COL25A1: variants seen among roughly 807,000 people sequenced by gnomAD.
COL25A1 encodes collagen alpha-1(XXV) chain.
COL25A1 carries 103 observed loss-of-function variants against 128.4 expected under a neutral mutation model. The observed-to-expected ratio is 0.80, with a 90% CI of 0.68 to 0.94. The LOEUF (loss-of-function observed/expected upper bound fraction) is 0.94. COL25A1 is among the 40% of genes least tolerant of loss of function. The pLI, the probability that COL25A1 is intolerant of heterozygous loss-of-function variation, is 0.00. For synonymous variants in COL25A1, 279 were observed against 277.2 expected (o/e 1.01, Z -0.06); for missense variants, 745 against 840.0 (o/e 0.89, Z 1.40).
chr4:108,884,067 T>C, intron 19 of COL25A1, 111 bp downstream of exon 19: 1 of 1,056,376 alleles, frequency 9.5e-7, no homozygotes, highest in Non-Finnish European at 1.4e-6. Context: ...TGGAGAGTAC[T>C]TAGAGAACAG....
chr4:109,010,156 C>T (rs963073955), intron 6 of COL25A1, among the ~76,000 whole-genome samples: 9 of 152,318 alleles, frequency 5.9e-5, no homozygotes, highest in Admixed American at 1.3e-4. Context: ...GTTAAATCTG[C>T]CATCTGGCCC....
At chr4:109,287,497 TA>T (rs1724006040) in intron 3 of COL25A1, among the ~76,000 whole-genome samples, 2 of 152,234 alleles carry the variant, frequency 1.3e-5, no homozygotes, top group African/African-American at 4.8e-5. Flanking sequence ...ATATCATTTT[TA>T]AATACTAATA....
chr4:109,300,181 C>CAAA (rs11404203), intron 3 of COL25A1, among the ~76,000 whole-genome samples: 3 of 125,976 alleles, frequency 2.4e-5, no homozygotes, highest in Non-Finnish European at 3.5e-5. Flanking sequence ...TAAACCAAAA[C>CAAA]AAAAAAAAAA....
At chr4:109,300,716 G>A in intron 2 of COL25A1, 64 bp from the exon 3 acceptor site, 2 of 1,130,982 alleles carry the variant, frequency 1.8e-6, no homozygotes, top group Non-Finnish European at 2.7e-6. Context: ...AGTCTTTAGG[G>A]ACTCTGGCCA....
intron 3 of COL25A1, among the ~76,000 whole-genome samples, chr4:109,104,784 T>C (rs922233890): frequency 6.6e-6 from 1 of 152,224 alleles, no homozygotes; most frequent in Admixed American, 6.5e-5. Flanking sequence ...CAACCAGTTG[T>C]AAGACGATGT....
intron 3 of COL25A1, among the ~76,000 whole-genome samples, chr4:109,245,860 A>G (rs909883138): frequency 1.3e-5 from 2 of 152,082 alleles, no homozygotes; most frequent in African/African-American, 4.8e-5. Context: ...AGTTCACACC[A>G]CATGATAGGG....
chr4:109,137,974 T>TAA (rs1553940917), intron 3 of COL25A1, among the ~76,000 whole-genome samples: 15 of 145,532 alleles, frequency 1.0e-4, no homozygotes, highest in Non-Finnish European at 1.5e-5. Context: ...AAATTTCATT[T>TAA]TATATATATA....
chr4:109,081,576 T>C (rs551573194), intron 3 of COL25A1, among the ~76,000 whole-genome samples: 5 of 152,324 alleles, frequency 3.3e-5, no homozygotes, highest in African/African-American at 1.2e-4. Flanking sequence ...TGTGCAACCA[T>C]CACCACAGTA....
At chr4:109,218,356 G>GTTTTTTTTTTTTTTTTTTT (rs796441649) in intron 3 of COL25A1, among the ~76,000 whole-genome samples, 44 of 100,470 alleles carry the variant, frequency 4.4e-4, no homozygotes, top group African/African-American at 1.6e-3. Context: ...GGTTTTTTGG[G>GTTTTTTTTTTTTTTTTTTT]GTTTTTTTTT....
chr4:108,922,066 T>C lies in COL25A1; in HGVS notation c.709-1462A>G, dbSNP rs192849406. On this transcript the variant is annotated intron_variant, in intron 11 of 37. Transcript: ENST00000399132. ...TTCATCTGGTATACTCTGGAATCCA[T>C]CCTTGTCTCTGTCCTCAGGGATCTT... is the stretch of plus-strand genomic sequence containing the variant. Among the ~76,000 whole-genome samples the C allele has an allele frequency of 1.3e-3, 193 of 152,270 alleles. 1 individual carries two copies. The highest frequency in any genetic ancestry group is 1.9e-3 in the Non-Finnish European group (132 of 68,004).
intron 3 of COL25A1, among the ~76,000 whole-genome samples, chr4:109,291,147 C>T (rs1000893985): frequency 6.6e-6 from 1 of 152,098 alleles, no homozygotes; most frequent in Admixed American, 6.6e-5. Context: ...AACAACTGTC[C>T]ACAGCTAGCT....
intron 3 of COL25A1, among the ~76,000 whole-genome samples, chr4:109,090,684 G>C (rs984555132): frequency 6.6e-6 from 1 of 151,506 alleles, no homozygotes; most frequent in African/African-American, 2.4e-5. Flanking sequence ...CTTCCTTCTT[G>C]GTCAGAATGC....
chr4:108,820,741 A>G (rs1389011065), intron 35 of COL25A1, among the ~76,000 whole-genome samples: 1 of 151,828 alleles, frequency 6.6e-6, no homozygotes, highest in Non-Finnish European at 1.5e-5. Flanking sequence ...AAATCTGTTC[A>G]GGAGAGGAAA....
chr4:109,211,305 TATATATATATATATATATATATATGA>T (rs1387047846), intron 3 of COL25A1, among the ~76,000 whole-genome samples: 1 of 51,402 alleles, frequency 1.9e-5, no homozygotes, highest in Non-Finnish European at 3.1e-5. Flanking sequence ...TATATATATA[TATATATATATATATATATATATATGA>T]AACAATTAAA....
chr4:109,214,083 T>C (rs1002528718), intron 3 of COL25A1, among the ~76,000 whole-genome samples: 1 of 151,994 alleles, frequency 6.6e-6, no homozygotes, highest in Non-Finnish European at 1.5e-5. Context: ...TGACATCTAT[T>C]GGTAAGATTA....
At chr4:109,026,657 T>A (rs1758322204) in intron 5 of COL25A1, among the ~76,000 whole-genome samples, 1 of 152,178 alleles carries the variant, frequency 6.6e-6, no homozygotes, top group South Asian at 2.1e-4. Flanking sequence ...TTTTAGTAAC[T>A]GTGCATGAAG....
intron 5 of COL25A1, among the ~76,000 whole-genome samples, chr4:109,044,726 T>C (rs977308304): frequency 2.0e-5 from 3 of 152,172 alleles, no homozygotes; most frequent in South Asian, 2.1e-4. Flanking sequence ...TTGTGCTTTA[T>C]ATTTAGAGTG....
chr4:109,271,480 G>A (rs539150770), intron 3 of COL25A1, among the ~76,000 whole-genome samples: 3 of 152,320 alleles, frequency 2.0e-5, no homozygotes, highest in East Asian at 1.9e-4. Flanking sequence ...CTTAGGTGAT[G>A]AAGCACTCCC....
chr4:108,974,242 G>C lies in COL25A1; in HGVS notation c.492+125C>G, dbSNP rs1258843216. ...GTTTTTTTCACTTACAAGTGGTATG[G>C]TATTTTTGCCAGCCATTACTGAACC... On this transcript the variant is annotated intron_variant, in intron 8 of 37. Coordinates refer to ENST00000399132, the MANE Select transcript of COL25A1 (RefSeq NM_198721.4). The C allele has an allele frequency of 5.5e-6, 5 of 907,632 alleles. No individual in the cohort carries two copies. In the African/African-American group the frequency reaches 8.3e-5, roughly 15 times the overall value. The allele number at this position is 907,632 out of a possible 1,614,324, so 56.2% of individuals were successfully genotyped here.
Sources: gnomAD v4.1 joint callset for allele counts (sites outside exome capture counted in the v4.1 genomes callset) on GRCh38, gnomAD v4.1.1 for gene constraint, MANE v1.5 for transcripts, NCBI Gene and HGNC (gene_info 2026-07-23, HGNC 2026-07-21) for gene names.